The following MSR1 variants were observed in gnomAD, a reference collection of about 807,000 sequenced individuals.
MSR1 encodes the protein macrophage scavenger receptor 1, also known as macrophage scavenger receptor types I and II.
MSR1 carries 53 observed loss-of-function variants against 47.2 expected under a neutral mutation model. The observed-to-expected ratio is 1.12, with a 90% confidence interval of 0.90 to 1.41. MSR1 has a LOEUF of 1.41. Ranked by LOEUF, MSR1 falls within the 40% of genes most tolerant of loss-of-function variation. The pLI, the probability that MSR1 is intolerant of heterozygous loss-of-function variation, is 0.00. For synonymous variants in MSR1, 239 were observed against 185.6 expected (o/e 1.29, Z -2.34); for missense variants, 786 against 546.9 (o/e 1.44, Z -4.36).
At chr8:16,119,456 C>A (rs1799947664) in intron 9 of MSR1, among the ~76,000 whole-genome samples, 1 of 152,046 alleles carries the variant, frequency 6.6e-6, no homozygotes, top group Admixed American at 6.5e-5. Context: ...GAACTCCTGA[C>A]CTCAAGTGAT....
At chr8:16,160,380 T>A (rs1801128919) in intron 5 of MSR1, among the ~76,000 whole-genome samples, 1 of 152,080 alleles carries the variant, frequency 6.6e-6, no homozygotes, top group African/African-American at 2.4e-5. Context: ...TGTAACTTGC[T>A]AAGACAAAAG....
intron 5 of MSR1, among the ~76,000 whole-genome samples, chr8:16,158,930 A>ATTTTTTTTTTT (rs34495946): frequency 9.3e-6 from 1 of 107,804 alleles, no homozygotes; most frequent in Non-Finnish European, 1.8e-5. Context: ...CCTTTGGTTA[A>ATTTTTTTTTTT]TTTTTTTTTT....
At position 16,108,198 on chromosome 8, in the gene MSR1, ATAGCAATAGTACTAGTAC is replaced by A. The variant is rs1461670933; in HGVS notation, c.*1869_*1886del. The A allele has an allele frequency of 2.8e-5, 4 of 144,558 alleles. No homozygotes were observed. The highest frequency in any genetic ancestry group is 2.3e-4 in the South Asian group (1 of 4,432). 9.0% of individuals were successfully genotyped at this position (144,558 alleles called of 1,614,324 possible). On this transcript the variant is annotated 3_prime_UTR_variant, in exon 10 of 10. Coordinates refer to ENST00000262101, the MANE Select transcript of MSR1 (RefSeq NM_138715.3). ...ACTAGTACTAGTAATAGTACTAGTA[ATAGCAATAGTACTAGTAC>A]TAGCAATAGTACTATTATTATTTTA...
chr8:16,183,639 TA>T lies in MSR1; in HGVS notation c.-4-5648del, dbSNP rs1801905917. On this transcript the variant is annotated intron_variant, in intron 1 of 9. Coordinates refer to ENST00000262101, the MANE Select transcript of MSR1 (RefSeq NM_138715.3). The stretch of plus-strand genomic sequence containing the variant: ...TATATAATATATATAATATATAATA[TA>T]ATAAATATATTATCATATTAATATA... Among the ~76,000 whole-genome samples the T allele has an allele frequency of 2.8e-5, 4 of 142,460 alleles. No individual in the cohort carries two copies. In the South Asian group the frequency reaches 8.4e-4, roughly 30 times the overall value. The allele number at this position is 142,460 out of a possible 152,430, so 93.5% of individuals were successfully genotyped here. A position where few individuals can be genotyped will look rare whatever the true frequency, so the allele number is the denominator to read the frequency against.
At chr8:16,175,381 T>A (rs1169909232) in intron 2 of MSR1, 81 bp from the exon 3 acceptor site, 1 of 1,104,216 alleles carries the variant, frequency 9.1e-7, no homozygotes, top group South Asian at 1.3e-5. Context: ...TCTCCAATTA[T>A]ATTCTTACTA....
intron 6 of MSR1, among the ~76,000 whole-genome samples, chr8:16,151,498 T>G (rs546531193): frequency 1.3e-5 from 2 of 152,250 alleles, no homozygotes; most frequent in Admixed American, 1.3e-4. Flanking sequence ...GTCCCCAAAA[T>G]GTAAGCACAG....
intron 1 of MSR1, chr8:16,186,422 C>T (rs554391039): frequency 1.3e-4 from 69 of 511,214 alleles, no homozygotes; most frequent in African/African-American, 1.3e-3. Flanking sequence ...ACTACAAACC[C>T]ATATATGCAC....
intron 8 of MSR1, among the ~76,000 whole-genome samples, chr8:16,121,954 T>C (rs1311682514): frequency 1.3e-5 from 2 of 152,014 alleles, no homozygotes; most frequent in African/African-American, 2.4e-5. Flanking sequence ...CTTATTACTG[T>C]TTTAACAGTA....
In MSR1 at chr8:16,109,255, C is replaced by A. The variant is rs899590745; in HGVS notation, c.*830G>T. 6.8e-6 allele frequency: 1 copy of A among 146,364 alleles called. No homozygotes were observed. Among genetic ancestry groups the A allele is most frequent in the Non-Finnish European group, 1.5e-5 (1 of 67,156 alleles). The allele number at this position is 146,364 out of a possible 1,614,324, so 9.1% of individuals were successfully genotyped here. A position where few individuals can be genotyped will look rare whatever the true frequency, so the allele number is the denominator to read the frequency against. ...ACAGTTGAAACCACTCTTCCTTCTG[C>A]ACTGAAGATGTTTGCATTGTTTGTT... On this transcript the variant is annotated 3_prime_UTR_variant, in exon 10 of 10. Coordinates refer to ENST00000262101, the MANE Select transcript of MSR1 (RefSeq NM_138715.3).
rs528132332 is a variant in MSR1 at position 16,154,989 on chromosome 8, C to A, written c.898+75G>T. The A allele has an allele frequency of 4.2e-5, 52 of 1,244,510 alleles. No individual in the cohort carries two copies. In the African/African-American group the frequency reaches 6.5e-4, roughly 16 times the overall value. The allele number at this position is 1,244,510 out of a possible 1,614,324, so 77.1% of individuals were successfully genotyped here. On this transcript the variant is annotated intron_variant, in intron 6 of 9. Transcript: ENST00000262101. ...TGCAGGATATAAATAAAATAGCAAT[C>A]CTCCCCTACACATGTACCTGGATGT... is the stretch of plus-strand genomic sequence containing the variant.
chr8:16,114,123 C>T (rs1470709307), intron 9 of MSR1, among the ~76,000 whole-genome samples: 2 of 152,044 alleles, frequency 1.3e-5, no homozygotes, highest in African/African-American at 4.8e-5. Flanking sequence ...TGACTTGTGA[C>T]CCTTTGATAT....
At chr8:16,186,692 C>T (rs1041239543) in intron 1 of MSR1, among the ~76,000 whole-genome samples, 5 of 151,604 alleles carry the variant, frequency 3.3e-5, no homozygotes, top group Admixed American at 2.0e-4. Context: ...GGAGTGCAGC[C>T]GTGTGATCAC....
intron 9 of MSR1, among the ~76,000 whole-genome samples, chr8:16,118,022 T>C (rs75597633): frequency 0.018 from 2,774 of 152,252 alleles, 96 homozygotes; most frequent in African/African-American, 0.062. Flanking sequence ...TGGGAACCAC[T>C]GTCTTAAAGA....
chr8:16,116,493 G>C (rs1269061542), intron 9 of MSR1, among the ~76,000 whole-genome samples: 1 of 152,040 alleles, frequency 6.6e-6, no homozygotes, highest in Non-Finnish European at 1.5e-5. Context: ...TGAAAATTTA[G>C]ACAAATTATG....
At chr8:16,165,000 G>A (rs1440002978) in intron 4 of MSR1, among the ~76,000 whole-genome samples, 1 of 151,822 alleles carries the variant, frequency 6.6e-6, no homozygotes, top group East Asian at 1.9e-4. Flanking sequence ...TAATTTAGTG[G>A]AATTGAATCT....
intron 9 of MSR1, among the ~76,000 whole-genome samples, chr8:16,112,576 G>T (rs1330980306): frequency 6.6e-6 from 1 of 151,950 alleles, no homozygotes; most frequent in Non-Finnish European, 1.5e-5. Context: ...ATTCCAAATT[G>T]TTTTCTGCAT....
intron 8 of MSR1, among the ~76,000 whole-genome samples, chr8:16,123,014 T>G (rs1204856390): frequency 2.6e-5 from 4 of 151,774 alleles, no homozygotes; most frequent in Non-Finnish European, 4.4e-5. Flanking sequence ...CCAGCTAATT[T>G]TTTGTATTTT....
intron 8 of MSR1, among the ~76,000 whole-genome samples, chr8:16,124,689 A>G (rs961092171): frequency 1.3e-5 from 2 of 152,168 alleles, no homozygotes; most frequent in Non-Finnish European, 2.9e-5. Flanking sequence ...TACAGATGCT[A>G]TACCAAACTG....
chr8:16,108,900 G>C lies in MSR1; in HGVS notation c.*1185C>G, dbSNP rs767291484. On this transcript the variant is annotated 3_prime_UTR_variant, in exon 10 of 10. Transcript: ENST00000262101. ...GTAGAGTAATTCCATAATAGTACTA[G>C]TTTACAATTACTTTTTTTGTGAATT... The C allele has an allele frequency of 2.0e-5, 3 of 152,008 alleles. No individual in the cohort carries two copies. Among genetic ancestry groups the C allele is most frequent in the Non-Finnish European group, 4.4e-5 (3 of 67,990 alleles). 9.4% of individuals were successfully genotyped at this position (152,008 alleles called of 1,614,324 possible).
Sources: gnomAD v4.1 joint callset for allele counts (sites outside exome capture counted in the v4.1 genomes callset) on GRCh38, gnomAD v4.1.1 for gene constraint, MANE v1.5 for transcripts, NCBI Gene and HGNC (gene_info 2026-07-23, HGNC 2026-07-21) for gene names.